The following GTF2A1 variants were observed in gnomAD, a reference collection of about 807,000 sequenced individuals.
The protein encoded by GTF2A1 is general transcription factor IIA subunit 1.
In GTF2A1, 12 loss-of-function variants were observed where a neutral mutation model predicts 54.1. The observed-to-expected ratio is 0.22, with a 90% confidence interval of 0.14 to 0.36. The LOEUF (loss-of-function observed/expected upper bound fraction) is 0.36, where lower values mean the gene tolerates loss of function less well. Ranked by LOEUF, GTF2A1 falls within the 10% of genes least tolerant of loss-of-function variation. GTF2A1 has a pLI of 1.00. For missense variants in GTF2A1, 335 were observed against 442.2 expected (o/e 0.76, Z 2.17); for synonymous variants, 145 against 152.0 (o/e 0.95, Z 0.34).
intron 8 of GTF2A1, 27 bp from the exon 9 acceptor site, chr14:81,180,357 T>G (rs745342506): frequency 1.0e-6 from 1 of 957,542 alleles, no homozygotes; most frequent in East Asian, 2.4e-5. Flanking sequence ...TTTTAAAAAT[T>G]GAGAGATACA....
chr14:81,217,312 AAACTACAAAGTGGGAGATAGAACAATT>A (rs1199179612), intron 1 of GTF2A1, among the ~76,000 whole-genome samples: 1 of 152,240 alleles, frequency 6.6e-6, no homozygotes, highest in Non-Finnish European at 1.5e-5. Context: ...TATTTTTTAA[AAACTACAAAGTGGGAGATAGAACAATT>A]AGCCCAATCC....
chr14:81,202,056 G>A (rs1009761505), intron 3 of GTF2A1, among the ~76,000 whole-genome samples: 5 of 151,918 alleles, frequency 3.3e-5, no homozygotes, highest in South Asian at 2.1e-4. Flanking sequence ...CTTGAACTCC[G>A]GAACTGGAGG....
intron 7 of GTF2A1, among the ~76,000 whole-genome samples, chr14:81,188,634 G>A (rs1195101055): frequency 1.3e-5 from 2 of 151,778 alleles, no homozygotes; most frequent in Non-Finnish European, 2.9e-5. Flanking sequence ...AAAATTAGCC[G>A]GGCATGGTGG....
chr14:81,202,625 T>C (rs893256491), intron 3 of GTF2A1: 5 of 511,388 alleles, frequency 9.8e-6, no homozygotes, highest in Admixed American at 4.0e-5. Context: ...TGAAGAGTGG[T>C]AAACCGGCAA....
chr14:81,186,687 C>T (rs1892754925), intron 7 of GTF2A1, among the ~76,000 whole-genome samples: 1 of 152,100 alleles, frequency 6.6e-6, no homozygotes, highest in African/African-American at 2.4e-5. Context: ...GTGGCTCATG[C>T]CTGTTAATTC....
At chr14:81,217,446 G>T (rs376721897) in intron 1 of GTF2A1, among the ~76,000 whole-genome samples, 4 of 152,168 alleles carry the variant, frequency 2.6e-5, no homozygotes, top group African/African-American at 9.7e-5. Context: ...CAAAACTAGA[G>T]TTGCCTGGTT....
chr14:81,207,672 C>T (rs1273265818), intron 2 of GTF2A1, among the ~76,000 whole-genome samples: 3 of 152,166 alleles, frequency 2.0e-5, no homozygotes, highest in Non-Finnish European at 4.4e-5. Flanking sequence ...TTCCTAGAGA[C>T]TTGTTGAATG....
At chr14:81,196,318 T>G (rs1236685035) in intron 5 of GTF2A1, 77 bp from the exon 6 acceptor site, 1 of 1,434,692 alleles carries the variant, frequency 7.0e-7, no homozygotes, top group Non-Finnish European at 9.8e-7. Context: ...ATATTTAATT[T>G]CATACCACCA....
intron 2 of GTF2A1, among the ~76,000 whole-genome samples, chr14:81,210,949 T>C (rs981876735): frequency 1.3e-5 from 2 of 152,224 alleles, no homozygotes; most frequent in African/African-American, 4.8e-5. Context: ...TCATCTTCTG[T>C]TCCCAAAATG....
At chr14:81,181,197 G>A (rs1892631046) in intron 8 of GTF2A1, among the ~76,000 whole-genome samples, 1 of 152,140 alleles carries the variant, frequency 6.6e-6, no homozygotes, top group Admixed American at 6.5e-5. Flanking sequence ...GGATTTGGTG[G>A]GGGAGAGGAG....
Position 81,180,389 on chromosome 14 carries a change from G to GT in GTF2A1, c.1024-60dup, listed in dbSNP as rs1892614976. 6 of 790,952 alleles carry GT rather than the reference G, an allele frequency of 7.6e-6. No homozygotes were observed. The South Asian group carries it at 8.8e-5, about 12-fold the overall frequency. 49.0% of individuals were successfully genotyped at this position (790,952 alleles called of 1,614,324 possible). On this transcript the variant is annotated intron_variant, in intron 8 of 8. Coordinates refer to ENST00000553612, the MANE Select transcript of GTF2A1 (RefSeq NM_015859.4). Reference sequence around the variant, plus strand: ...TACAATCAGAAAACAGAGAAAACAAGTAACAAAAAACCCATACACACACAC... The same window carrying GT: ...TACAATCAGAAAACAGAGAAAACAAGTTAACAAAAAACCCATACACACACAC...
chr14:81,189,708 GATAC>G (rs1336542531), intron 7 of GTF2A1, among the ~76,000 whole-genome samples: 2 of 151,352 alleles, frequency 1.3e-5, no homozygotes, highest in African/African-American at 4.9e-5. Context: ...AAATATCAAG[GATAC>G]ATAAAGAGCA....
intron 2 of GTF2A1, 65 bp downstream of exon 2, chr14:81,216,348 C>G: frequency 1.4e-6 from 1 of 739,014 alleles, no homozygotes; most frequent in Non-Finnish European, 2.4e-6. Context: ...ACAGATTCAT[C>G]TCCGGCTAAA....
At chr14:81,204,152 C>T (rs1321321865) in intron 2 of GTF2A1, 48 bp from the exon 3 acceptor site, 3 of 1,139,276 alleles carry the variant, frequency 2.6e-6, no homozygotes, top group African/African-American at 1.5e-5. Context: ...TAACTCTGGA[C>T]AGATGAATAC....
At position 81,176,034 on chromosome 14, in the gene GTF2A1, G is replaced by T. The variant is rs1336931862; in HGVS notation, c.*4189C>A. 6.6e-6 allele frequency: 1 copy of T among 151,960 alleles called. No individual in the cohort carries two copies. The highest frequency in any genetic ancestry group is 2.4e-5 in the African/African-American group (1 of 41,378). 9.4% of individuals were successfully genotyped at this position (151,960 alleles called of 1,614,324 possible). On this transcript the variant is annotated 3_prime_UTR_variant, in exon 9 of 9. Transcript: ENST00000553612. ...CAGAATTTAGCATCTTTTTGTTGTT[G>T]TTAAATGGAATTCTCATTAACAATG...
intron 8 of GTF2A1, 104 bp downstream of exon 8, chr14:81,185,427 A>T: frequency 1.6e-6 from 1 of 635,490 alleles, no homozygotes; most frequent in South Asian, 2.0e-5. Context: ...TGAATTTAAG[A>T]GGCATGAATC....
chr14:81,212,593 GC>G (rs1231363481), intron 2 of GTF2A1, among the ~76,000 whole-genome samples: 3 of 152,226 alleles, frequency 2.0e-5, no homozygotes, highest in African/African-American at 7.2e-5. Context: ...CTCCTTTACA[GC>G]CTTATACAAG....
In GTF2A1 at chr14:81,178,402, T is replaced by C. The variant is rs531962241; in HGVS notation, c.*1821A>G. The stretch of plus-strand genomic sequence containing the variant: ...AATAATATATATTTTAAAACCTCTG[T>C]GTGCTTTGAGAGTCACAGAATAAAC... On this transcript the variant is annotated 3_prime_UTR_variant, in exon 9 of 9. Coordinates refer to ENST00000553612, the MANE Select transcript of GTF2A1 (RefSeq NM_015859.4). The C allele has an allele frequency of 1.3e-5, 2 of 152,176 alleles. No homozygotes were observed. The highest frequency in any genetic ancestry group is 4.8e-5 in the African/African-American group (2 of 41,446). 9.4% of individuals were successfully genotyped at this position (152,176 alleles called of 1,614,324 possible).
chr14:81,220,957 G>C lies in GTF2A1; in HGVS notation c.-439C>G, dbSNP rs1485468169. Reference sequence around the variant, plus strand: ...ACCGCCGCCGCCGCCGCCGCCGAGAGACAGGGTGAAGGGGGAGGGAGGGGC... The same window carrying C: ...ACCGCCGCCGCCGCCGCCGCCGAGACACAGGGTGAAGGGGGAGGGAGGGGC... On this transcript the variant is annotated 5_prime_UTR_variant, in exon 1 of 9. Transcript: ENST00000553612. The C allele has an allele frequency of 1.2e-5, 2 of 167,928 alleles. No homozygotes were observed. The highest frequency in any genetic ancestry group is 2.4e-5 in the African/African-American group (1 of 41,606). 10.4% of individuals were successfully genotyped at this position (167,928 alleles called of 1,614,324 possible).
Sources: allele counts gnomAD v4.1 joint callset (sites outside exome capture counted in the v4.1 genomes callset), GRCh38; gene constraint gnomAD v4.1.1; transcripts MANE v1.5; gene names NCBI Gene and HGNC (gene_info 2026-07-23, HGNC 2026-07-21).